ANK1: variants seen among roughly 807,000 people sequenced by gnomAD.
ANK1 encodes the protein ankyrin-1.
In ANK1, 51 loss-of-function variants were observed where a neutral mutation model predicts 210.4. The observed-to-expected ratio is 0.24, with a 90% CI of 0.19 to 0.31. The LOEUF is 0.31. Among genes scored for constraint, ANK1 ranks in the 10% least tolerant of loss-of-function variants. The pLI, the probability that ANK1 is intolerant of heterozygous loss-of-function variation, is 1.00. For synonymous variants in ANK1, 967 were observed against 1,025.9 expected (o/e 0.94, Z 1.10); for missense variants, 2,051 against 2,504.4 (o/e 0.82, Z 3.86).
In ANK1 at chr8:41,668,473, G is replaced by A; in HGVS notation, c.5188C>T (p.His1730Tyr). 6.2e-7 allele frequency: 1 copy of A among 1,614,226 alleles called. No homozygotes were observed. Among genetic ancestry groups the A allele is most frequent in the Non-Finnish European group, 8.5e-7 (1 of 1,180,028 alleles). The change falls in exon 39 of 43, where the codon CAC (histidine) becomes TAC (tyrosine). Residue 1730 changes from histidine to tyrosine, a missense_variant. Coordinates refer to ENST00000289734, the MANE Select transcript of ANK1 (RefSeq NM_000037.4). The part of the protein sequence containing the change: ...SWQEEVTQGP[H>Y]SFQGTSTMTE... ...ATGGTACTTGTTCCCTGGAATGAGT[G>A]TGGACCTTGCGTGACCTCCTCTTGC...
chr8:41,843,329 C>T (rs1030200884), intron 1 of ANK1, among the ~76,000 whole-genome samples: 36 of 152,172 alleles, frequency 2.4e-4, no homozygotes, highest in African/African-American at 7.7e-4. Flanking sequence ...CCCTGCTCTG[C>T]GATCAGACAT....
At chr8:41,786,803 G>A (rs570268065) in intron 1 of ANK1, among the ~76,000 whole-genome samples, 8 of 152,162 alleles carry the variant, frequency 5.3e-5, no homozygotes, top group East Asian at 1.9e-4. Flanking sequence ...CAAGCCTCCC[G>A]ATTTGCCAGT....
At chr8:41,765,538 T>G (rs1841587330) in intron 1 of ANK1, among the ~76,000 whole-genome samples, 1 of 152,158 alleles carries the variant, frequency 6.6e-6, no homozygotes, top group Non-Finnish European at 1.5e-5. Flanking sequence ...TGCGCCACTG[T>G]GCTGGCCTAA....
chr8:41,728,535 G>T (rs1831289775), intron 3 of ANK1, among the ~76,000 whole-genome samples: 1 of 152,038 alleles, frequency 6.6e-6, no homozygotes, highest in African/African-American at 2.4e-5. Flanking sequence ...GAACAAAGCT[G>T]CACTCATACC....
chr8:41,753,358 G>T (rs1003606908), intron 2 of ANK1, among the ~76,000 whole-genome samples: 1 of 151,934 alleles, frequency 6.6e-6, no homozygotes, highest in Non-Finnish European at 1.5e-5. Flanking sequence ...GAGCTATCGC[G>T]CCCGGCCTGC....
chr8:41,822,064 A>AAG (rs10605195), intron 1 of ANK1, among the ~76,000 whole-genome samples: 455 of 36,054 alleles, frequency 0.013, 2 homozygotes, highest in East Asian at 0.017. Flanking sequence ...GAAAGAAAGA[A>AAG]AGAGAGAGAG....
chr8:41,739,614 T>C (rs3611), intron 2 of ANK1, among the ~76,000 whole-genome samples: 74,928 of 150,320 alleles, frequency 0.5, 20,443 homozygotes, highest in East Asian at 0.77. Context: ...AAATAGTATT[T>C]ACGGCTGGAA....
At chr8:41,854,320 T>G (rs1426656979) in intron 1 of ANK1, among the ~76,000 whole-genome samples, 1 of 152,128 alleles carries the variant, frequency 6.6e-6, no homozygotes, top group African/African-American at 2.4e-5. Flanking sequence ...GAATCTAGAT[T>G]AAAACCTGAC....
chr8:41,830,702 G>A (rs1806430750), intron 1 of ANK1, among the ~76,000 whole-genome samples: 1 of 152,134 alleles, frequency 6.6e-6, no homozygotes. Flanking sequence ...AGTAAGAAAA[G>A]CAAACAGCTC....
intron 1 of ANK1, among the ~76,000 whole-genome samples, chr8:41,851,332 C>T (rs780113309): frequency 1.5e-4 from 23 of 152,338 alleles, no homozygotes; most frequent in Non-Finnish European, 2.8e-4. Flanking sequence ...AGGCAGTGGG[C>T]GTTGCAGGCC....
At chr8:41,799,881 C>T (rs1184330619), upstream of ANK1, among the ~76,000 whole-genome samples, 1 of 152,168 alleles carries the variant, frequency 6.6e-6, no homozygotes, top group African/African-American at 2.4e-5. Context: ...GCCGGACTCA[C>T]GATGTGCTTG....
chr8:41,698,233 G>A, intron 23 of ANK1, 112 bp from the exon 24 acceptor site: 1 of 1,064,128 alleles, frequency 9.4e-7, no homozygotes, highest in South Asian at 1.3e-5. Flanking sequence ...GAGCCTGACT[G>A]CGCTTCACAA....
upstream of ANK1, among the ~76,000 whole-genome samples, chr8:41,798,164 G>A (rs1849168734): frequency 6.6e-6 from 1 of 152,008 alleles, no homozygotes; most frequent in Non-Finnish European, 1.5e-5. Context: ...TCGGCGCTGC[G>A]GGTGTGGGGC....
intron 1 of ANK1, among the ~76,000 whole-genome samples, chr8:41,819,977 A>C (rs1025816173): frequency 9.2e-5 from 14 of 152,216 alleles, no homozygotes; most frequent in Admixed American, 8.5e-4. Context: ...TGTAGGGCCC[A>C]TGCCACTGAT....
At chr8:41,684,937 A>T (rs150194683) in intron 36 of ANK1, among the ~76,000 whole-genome samples, 2,638 of 152,310 alleles carry the variant, frequency 0.017, 76 homozygotes, top group African/African-American at 0.06. Flanking sequence ...TACCAAAAAA[A>T]AAATAAATTA....
chr8:41,798,702 C>A (rs943989617), upstream of ANK1, among the ~76,000 whole-genome samples: 1 of 152,110 alleles, frequency 6.6e-6, no homozygotes, highest in African/African-American at 2.4e-5. Context: ...CTCCCTGGAC[C>A]CTGGGGGTGG....
At chr8:41,714,880 A>C (rs1333983399) in intron 15 of ANK1, 96 bp downstream of exon 15, 15 of 1,292,688 alleles carry the variant, frequency 1.2e-5, no homozygotes, top group Non-Finnish European at 1.7e-5. Context: ...AAGATGAACA[A>C]CACAGGCAAG....
intron 1 of ANK1, among the ~76,000 whole-genome samples, chr8:41,836,377 C>T (rs1278979849): frequency 4.6e-5 from 7 of 152,276 alleles, no homozygotes; most frequent in African/African-American, 1.4e-4. Context: ...ATTTCTTGCT[C>T]TGTCTCCTGT....
At position 41,707,351 on chromosome 8, in the gene ANK1, C is replaced by T. The variant is rs186754852; in HGVS notation, c.1999-1110G>A. ...CTTTGCTAGCGTGGGACCAACAAAA[C>T]GGATTTCTCTGCAGGCACAGACCGT... On this transcript the variant is annotated intron_variant, in intron 17 of 42. Coordinates refer to ENST00000289734, the MANE Select transcript of ANK1 (RefSeq NM_000037.4). Among the ~76,000 whole-genome samples, 17 of 152,334 alleles carry T rather than the reference C, an allele frequency of 1.1e-4. No homozygotes were observed. The East Asian group carries it at 2.9e-3, about 26-fold the overall frequency.
Sources: gnomAD v4.1 joint callset for allele counts (sites outside exome capture counted in the v4.1 genomes callset) on GRCh38, gnomAD v4.1.1 for gene constraint, MANE v1.5 for transcripts, NCBI Gene and HGNC (gene_info 2026-07-23, HGNC 2026-07-21) for gene names.